GRM5: variants seen among roughly 807,000 people sequenced by gnomAD.
The protein encoded by GRM5 is metabotropic glutamate receptor 5.
Under a neutral mutation model 83.1 loss-of-function variants are expected in GRM5, and 19 were observed. That is an observed-to-expected ratio of 0.23 (90% confidence interval 0.16 to 0.34). The LOEUF (loss-of-function observed/expected upper bound fraction) is 0.34, where lower values mean the gene tolerates loss of function less well. GRM5 is among the 10% of genes least tolerant of loss of function. The pLI, the probability that GRM5 is intolerant of heterozygous loss-of-function variation, is 1.00. For synonymous variants in GRM5, 675 were observed against 633.6 expected (o/e 1.07, Z -0.98); for missense variants, 1,160 against 1,588.3 (o/e 0.73, Z 4.58).
chr11:88,686,733 A>G (rs1298981967), intron 3 of GRM5, among the ~76,000 whole-genome samples: 1 of 152,088 alleles, frequency 6.6e-6, no homozygotes, highest in Non-Finnish European at 1.5e-5. Context: ...CCGCTTTTGC[A>G]TCTTCCTCAT....
intron 4 of GRM5, among the ~76,000 whole-genome samples, chr11:88,616,559 A>G (rs1938492297): frequency 6.6e-6 from 1 of 152,064 alleles, no homozygotes; most frequent in Non-Finnish European, 1.5e-5. Flanking sequence ...CCGGGGTAGG[A>G]TTCTGAATAT....
chr11:88,775,195 C>G (rs1402347762), intron 3 of GRM5, among the ~76,000 whole-genome samples: 1 of 152,118 alleles, frequency 6.6e-6, no homozygotes, highest in African/African-American at 2.4e-5. Flanking sequence ...AGGAATTTAT[C>G]CATTTCTTCT....
At chr11:88,576,117 A>T (rs1271148275) in intron 7 of GRM5, among the ~76,000 whole-genome samples, 2 of 152,194 alleles carry the variant, frequency 1.3e-5, no homozygotes, top group African/African-American at 4.8e-5. Context: ...AAAACACAGC[A>T]TGTGAATTTA....
At chr11:88,897,842 G>C (rs1051219328) in intron 2 of GRM5, among the ~76,000 whole-genome samples, 3 of 151,890 alleles carry the variant, frequency 2.0e-5, no homozygotes, top group Non-Finnish European at 2.9e-5. Context: ...AAAAGGTTTT[G>C]GTGAAGATAA....
At chr11:88,522,603 C>CTCTCTCTCTCTCTG (rs1206475339) in intron 9 of GRM5, among the ~76,000 whole-genome samples, 1 of 127,216 alleles carries the variant, frequency 7.9e-6, no homozygotes, top group African/African-American at 2.8e-5. Context: ...CTCTCTCTCT[C>CTCTCTCTCTCTCTG]TGTGTGTGTG....
At chr11:89,015,440 G>A (rs1383659622) in intron 2 of GRM5, among the ~76,000 whole-genome samples, 1 of 152,152 alleles carries the variant, frequency 6.6e-6, no homozygotes, top group Non-Finnish European at 1.5e-5. Context: ...TGACTGAGAA[G>A]AAATCAATGG....
intron 2 of GRM5, among the ~76,000 whole-genome samples, chr11:88,900,688 T>C (rs1213432335): frequency 6.6e-6 from 1 of 152,148 alleles, no homozygotes; most frequent in Non-Finnish European, 1.5e-5. Flanking sequence ...TTAGACATTG[T>C]GCTATGAACA....
rs573461154 is a variant in GRM5 at position 88,707,392 on chromosome 11, G to A, written c.912-53989C>T. ...TCTTCTCTTTTCCACCCACATGAGG[G>A]GAGATAGAGATGTCTTCCTATGCAT... On this transcript the variant is annotated intron_variant, in intron 3 of 9. Transcript: ENST00000305447. 3.9e-5 allele frequency among the ~76,000 whole-genome samples: 6 copies of A among 152,110 alleles called. No individual in the cohort carries two copies. The South Asian group carries it at 1.2e-3, about 32-fold the overall frequency.
chr11:88,600,615 G>C (rs1034873752), intron 5 of GRM5, among the ~76,000 whole-genome samples: 1 of 151,946 alleles, frequency 6.6e-6, no homozygotes, highest in African/African-American at 2.4e-5. Flanking sequence ...AAGCATTTAA[G>C]GTAAACTAGA....
chr11:88,885,462 T>G (rs1488922455), intron 2 of GRM5, among the ~76,000 whole-genome samples: 15 of 115,164 alleles, frequency 1.3e-4, no homozygotes, highest in African/African-American at 3.7e-4. Context: ...TTTTTTTTTT[T>G]TTTTTTTTTT....
At chr11:88,880,506 C>A (rs1944934507) in intron 2 of GRM5, among the ~76,000 whole-genome samples, 1 of 152,100 alleles carries the variant, frequency 6.6e-6, no homozygotes, top group African/African-American at 2.4e-5. Flanking sequence ...TATAAAAAGC[C>A]TTCCTTATAT....
intron 2 of GRM5, among the ~76,000 whole-genome samples, chr11:88,999,108 C>A (rs548374184): frequency 4.6e-5 from 7 of 152,220 alleles, no homozygotes; most frequent in East Asian, 1.9e-4. Context: ...TAAAGACTTA[C>A]ATGTTAGACC....
intron 2 of GRM5, among the ~76,000 whole-genome samples, chr11:88,868,746 G>C (rs1406992040): frequency 2.0e-5 from 3 of 151,694 alleles, no homozygotes; most frequent in Admixed American, 6.6e-5. Flanking sequence ...TTTTTCCAAA[G>C]TAACAGCGTC....
chr11:88,719,487 T>A (rs12419293), intron 3 of GRM5, among the ~76,000 whole-genome samples: 80 of 152,200 alleles, frequency 5.3e-4, no homozygotes, highest in Admixed American at 3.5e-3. Flanking sequence ...GTTGATTCCA[T>A]GTCTTTTCTA....
intron 2 of GRM5, among the ~76,000 whole-genome samples, chr11:88,944,187 C>T (rs1938201945): frequency 6.6e-6 from 1 of 151,862 alleles, no homozygotes. Context: ...TAGACGCAAA[C>T]AGGCTAAACT....
chr11:88,837,877 G>A (rs1333453377), intron 3 of GRM5, among the ~76,000 whole-genome samples: 2 of 152,018 alleles, frequency 1.3e-5, no homozygotes, highest in African/African-American at 2.4e-5. Flanking sequence ...GAGGTCAGGA[G>A]ATGGAGACCA....
chr11:88,685,281 A>C (rs1940591890), intron 3 of GRM5, among the ~76,000 whole-genome samples: 2 of 152,146 alleles, frequency 1.3e-5, no homozygotes, highest in African/African-American at 4.8e-5. Context: ...CCTGCCCTAG[A>C]GATTTGTGGA....
chr11:88,528,544 T>C (rs934696002), intron 8 of GRM5, among the ~76,000 whole-genome samples: 1 of 152,060 alleles, frequency 6.6e-6, no homozygotes, highest in Non-Finnish European at 1.5e-5. Flanking sequence ...AAAAATAGTT[T>C]AAGCTTTTCA....
At chr11:88,652,443 G>T (rs1011259462) in intron 4 of GRM5, among the ~76,000 whole-genome samples, 1 of 151,888 alleles carries the variant, frequency 6.6e-6, no homozygotes, top group African/African-American at 2.4e-5. Context: ...ATTAACCCAA[G>T]CTCTTATTTT....
Sources: gnomAD v4.1 joint callset for allele counts (sites outside exome capture counted in the v4.1 genomes callset) on GRCh38, gnomAD v4.1.1 for gene constraint, MANE v1.5 for transcripts, NCBI Gene and HGNC (gene_info 2026-07-23, HGNC 2026-07-21) for gene names.